The following AKIRIN1 variants were observed in gnomAD, a reference collection of about 807,000 sequenced individuals.
The protein encoded by AKIRIN1 is akirin-1.
Under a neutral mutation model 25.9 loss-of-function variants are expected in AKIRIN1, and 4 were observed. That is an observed-to-expected ratio of 0.15 (90% confidence interval 0.08 to 0.35). AKIRIN1 has a LOEUF of 0.35. AKIRIN1 is among the 10% of genes least tolerant of loss of function. The probability of loss-of-function intolerance (pLI) is 1.00; values close to 1 mark genes in which losing one functional copy is unlikely to be tolerated. For missense variants in AKIRIN1, 243 were observed against 266.1 expected (o/e 0.91, Z 0.61); for synonymous variants, 125 against 105.1 (o/e 1.19, Z -1.16).
chr1:38,999,937 C>T (rs1309851313), intron 2 of AKIRIN1, among the ~76,000 whole-genome samples: 2 of 151,828 alleles, frequency 1.3e-5, no homozygotes, highest in African/African-American at 4.8e-5. Context: ...GGCTGGAGTG[C>T]AGTGGCGTCA....
At chr1:38,996,119 G>A (rs1373763431) in intron 1 of AKIRIN1, among the ~76,000 whole-genome samples, 1 of 152,000 alleles carries the variant, frequency 6.6e-6, no homozygotes, top group African/African-American at 2.4e-5. Flanking sequence ...TTTTGAGACA[G>A]TGTCTTACTC....
At chr1:38,996,377 T>C (rs944232114) in intron 1 of AKIRIN1, among the ~76,000 whole-genome samples, 4 of 151,700 alleles carry the variant, frequency 2.6e-5, no homozygotes, top group African/African-American at 9.7e-5. Context: ...TGAGCCACCA[T>C]GTACAGGCTT....
In AKIRIN1 at chr1:38,991,279, G is replaced by A. The variant is rs578039020; in HGVS notation, c.-102G>A. On this transcript the variant is annotated 5_prime_UTR_variant, in exon 1 of 5. Transcript: ENST00000432648. ...GGGGCCAGCGCCGCTGCCGGGTGCT[G>A]GAGGCGCCATTGGAGCCGGCTTGGC... 324 of 1,048,512 alleles carry A rather than the reference G, an allele frequency of 3.1e-4. 5 individuals are homozygous for A. In the African/African-American group the frequency reaches 5.1e-3, roughly 16 times the overall value. 65.0% of individuals were successfully genotyped at this position (1,048,512 alleles called of 1,614,324 possible). A position where few individuals can be genotyped will look rare whatever the true frequency, so the allele number is the denominator to read the frequency against.
intron 1 of AKIRIN1, among the ~76,000 whole-genome samples, chr1:38,997,678 T>C (rs1643957435): frequency 6.6e-6 from 1 of 152,128 alleles, no homozygotes; most frequent in Admixed American, 6.6e-5. Context: ...GATGCTTTTT[T>C]AAAGTCCCAT....
chr1:38,991,468 C>T lies in AKIRIN1; in HGVS notation c.88C>T (p.Pro30Ser). Residue 30 changes from proline (P) to serine (S), a missense_variant, in exon 1 of 5, where the codon CCT becomes TCT. Transcript: ENST00000432648. Reference sequence around the variant, plus strand: ...CTCCCCGAAGCGGCGGCGCTGCGCCCCTCTGCCCGGCCCCACTCCGGGCCT... The same window carrying T: ...CTCCCCGAAGCGGCGGCGCTGCGCCTCTCTGCCCGGCCCCACTCCGGGCCT... ...PGSPKRRRCAPLPGPTPGLRP... is the reference protein window; with the variant it reads ...PGSPKRRRCASLPGPTPGLRP... 7.1e-7 allele frequency: 1 copy of T among 1,406,406 alleles called. No individual in the cohort carries two copies. Among genetic ancestry groups the T allele is most frequent in the Non-Finnish European group, 9.2e-7 (1 of 1,086,104 alleles). 87.1% of individuals were successfully genotyped at this position (1,406,406 alleles called of 1,614,324 possible).
intron 1 of AKIRIN1, 70 bp downstream of exon 1, chr1:38,991,670 G>T: frequency 5.6e-6 from 5 of 886,738 alleles, no homozygotes; most frequent in East Asian, 4.0e-5. Context: ...TGGTGGGGGA[G>T]GGTTGGGAAT....
chr1:38,996,943 G>A (rs1191179262), intron 1 of AKIRIN1, among the ~76,000 whole-genome samples: 3 of 152,168 alleles, frequency 2.0e-5, no homozygotes, highest in African/African-American at 7.2e-5. Context: ...GGACTGTACT[G>A]TCACTTGTTA....
intron 2 of AKIRIN1, 53 bp downstream of exon 2, chr1:38,998,364 TATA>T (rs1570973873): frequency 3.3e-6 from 5 of 1,530,936 alleles, no homozygotes; most frequent in Non-Finnish European, 3.5e-6. Flanking sequence ...AAATGGTACT[TATA>T]ATGATGAATC....
At chr1:39,003,262 T>C (rs1419582289) in intron 3 of AKIRIN1, 85 bp from the exon 4 acceptor site, 2 of 1,309,448 alleles carry the variant, frequency 1.5e-6, no homozygotes, top group Admixed American at 1.8e-5. Context: ...GAATTCAAAC[T>C]GGGAAGCTAT....
rs74067034 is a variant in AKIRIN1, at chr1:39,004,663, A to C, written c.*608A>C. Reference sequence around the variant, plus strand: ...GTTAGGATGGACATTAGATGTGATTATGATGATAAAGCGAAGGTCTGCGGT... The same window carrying C: ...GTTAGGATGGACATTAGATGTGATTCTGATGATAAAGCGAAGGTCTGCGGT... On this transcript the variant is annotated 3_prime_UTR_variant, in exon 5 of 5. Coordinates refer to ENST00000432648, the MANE Select transcript of AKIRIN1 (RefSeq NM_024595.3). The C allele has an allele frequency of 0.047, 7,711 of 164,430 alleles. 571 individuals are homozygous for C. Among genetic ancestry groups the C allele is most frequent in the African/African-American group, 0.17 (6,985 of 41,586 alleles). The allele number at this position is 164,430 out of a possible 1,614,324, so 10.2% of individuals were successfully genotyped here.
chr1:38,994,508 CT>C (rs953325410), intron 1 of AKIRIN1, among the ~76,000 whole-genome samples: 1 of 151,664 alleles, frequency 6.6e-6, no homozygotes, highest in Non-Finnish European at 1.5e-5. Context: ...TTAGCTGAGT[CT>C]TTTTTTGTTG....
chr1:38,999,297 G>T (rs1643970835), intron 2 of AKIRIN1, among the ~76,000 whole-genome samples: 1 of 152,206 alleles, frequency 6.6e-6, no homozygotes. Flanking sequence ...ATAAACTGGG[G>T]TTTGCCCGGA....
chr1:38,991,666 G>T, intron 1 of AKIRIN1, 66 bp downstream of exon 1: 1 of 940,424 alleles, frequency 1.1e-6, no homozygotes, highest in Non-Finnish European at 1.4e-6. Flanking sequence ...GGGGTGGTGG[G>T]GGAGGGTTGG....
chr1:39,005,767 C>CTTA lies in AKIRIN1; in HGVS notation c.*1716_*1718dup, dbSNP rs1319454791. 6.6e-6 allele frequency: 1 copy of CTTA among 152,016 alleles called. No individual in the cohort carries two copies. The highest frequency in any genetic ancestry group is 1.5e-5 in the Non-Finnish European group (1 of 68,018). The allele number at this position is 152,016 out of a possible 1,614,324, so 9.4% of individuals were successfully genotyped here. On this transcript the variant is annotated 3_prime_UTR_variant, in exon 5 of 5. Coordinates refer to ENST00000432648, the MANE Select transcript of AKIRIN1 (RefSeq NM_024595.3). ...CTGGAATATTCACATTCGAAGATTCCTTATTAATGAATGTCTTTGACTTAA... is the reference window on the plus strand; with the variant it reads ...CTGGAATATTCACATTCGAAGATTCCTTATTATTAATGAATGTCTTTGACTTAA...
At position 39,001,072 on chromosome 1, in the gene AKIRIN1, G is replaced by C; in HGVS notation, c.462G>C (p.Glu154Asp). 1 of 1,613,680 alleles carries C rather than the reference G, an allele frequency of 6.2e-7. No homozygotes were observed. The highest frequency in any genetic ancestry group is 2.2e-5 in the East Asian group (1 of 44,848). ...LLKDYEDKIR[E>D]EYEQILNTKL... ...AAGACTATGAAGATAAAATTCGGGA[G>C]GAGTATGAGCAAATCCTCAATACCA... The change falls in exon 3 of 5, where the codon GAG becomes GAC. Residue 154 changes from glutamate to aspartate, a missense_variant. Glu to Asp is a conservative substitution (Grantham distance 45). Coordinates refer to ENST00000432648, the MANE Select transcript of AKIRIN1 (RefSeq NM_024595.3).
chr1:38,992,234 T>A (rs1318891337), intron 1 of AKIRIN1, among the ~76,000 whole-genome samples: 1 of 152,096 alleles, frequency 6.6e-6, no homozygotes, highest in Non-Finnish European at 1.5e-5. Flanking sequence ...AATTTGAGAA[T>A]CCTACGACAT....
intron 1 of AKIRIN1, among the ~76,000 whole-genome samples, chr1:38,992,403 T>G (rs997353287): frequency 7.2e-5 from 11 of 152,156 alleles, no homozygotes; most frequent in Non-Finnish European, 1.5e-5. Flanking sequence ...ATTCTGCGAT[T>G]TTAAAGGACT....
In AKIRIN1 at chr1:38,991,299, C is replaced by G; in HGVS notation, c.-82C>G. The G allele has an allele frequency of 3.2e-6, 4 of 1,233,702 alleles. No homozygotes were observed. Among genetic ancestry groups the G allele is most frequent in the South Asian group, 2.2e-5 (1 of 45,362 alleles). The allele number at this position is 1,233,702 out of a possible 1,614,324, so 76.4% of individuals were successfully genotyped here. On this transcript the variant is annotated 5_prime_UTR_variant, in exon 1 of 5. Transcript: ENST00000432648. ...GTGCTGGAGGCGCCATTGGAGCCGGCTTGGCTGGCGAGCCCGGCTGAGGAG... is the reference window on the plus strand; with the variant it reads ...GTGCTGGAGGCGCCATTGGAGCCGGGTTGGCTGGCGAGCCCGGCTGAGGAG...
chr1:39,005,693 A>G lies in AKIRIN1; in HGVS notation c.*1638A>G, dbSNP rs1050122134. 3 of 152,332 alleles carry G rather than the reference A, an allele frequency of 2.0e-5. No individual in the cohort carries two copies. The highest frequency in any genetic ancestry group is 6.5e-5 in the Admixed American group (1 of 15,290). The allele number at this position is 152,332 out of a possible 1,614,324, so 9.4% of individuals were successfully genotyped here. Reference sequence around the variant, plus strand: ...ATGTATGCCAATACCTTCCAAAGTAAGGTAATATTCAGAGACAGTTGTTGT... The same window carrying G: ...ATGTATGCCAATACCTTCCAAAGTAGGGTAATATTCAGAGACAGTTGTTGT... On this transcript the variant is annotated 3_prime_UTR_variant, in exon 5 of 5. Coordinates refer to ENST00000432648, the MANE Select transcript of AKIRIN1 (RefSeq NM_024595.3).
Sources: gnomAD v4.1 joint callset for allele counts (sites outside exome capture counted in the v4.1 genomes callset) on GRCh38, gnomAD v4.1.1 for gene constraint, MANE v1.5 for transcripts, NCBI Gene and HGNC (gene_info 2026-07-23, HGNC 2026-07-21) for gene names.